RBFOX3: variants seen among roughly 807,000 people sequenced by gnomAD.
The protein encoded by RBFOX3 is RNA binding fox-1 homolog 3.
Under a neutral mutation model 48.7 loss-of-function variants are expected in RBFOX3, and 17 were observed. The observed-to-expected ratio is 0.35, with a 90% CI of 0.24 to 0.52. The LOEUF (loss-of-function observed/expected upper bound fraction) is 0.52, where lower values mean the gene tolerates loss of function less well. Ranked by LOEUF, RBFOX3 falls within the 20% of genes least tolerant of loss-of-function variation. RBFOX3 has a pLI of 0.94. For missense variants in RBFOX3, 382 were observed against 497.5 expected (o/e 0.77, Z 2.21); for synonymous variants, 212 against 209.5 (o/e 1.01, Z -0.10).
chr17:79,145,092 C>T (rs997257112), intron 4 of RBFOX3, among the ~76,000 whole-genome samples: 1 of 152,126 alleles, frequency 6.6e-6, no homozygotes, highest in Admixed American at 6.5e-5. Context: ...TTAGTCGCTG[C>T]CTGTCCTAGG....
At chr17:79,306,129 G>A (rs1036618380) in intron 3 of RBFOX3, among the ~76,000 whole-genome samples, 11 of 152,346 alleles carry the variant, frequency 7.2e-5, no homozygotes, top group Middle Eastern at 6.8e-3. Flanking sequence ...ATCCTGACCC[G>A]AGGCCTGCAG....
At chr17:79,294,017 C>T (rs2073901521) in intron 3 of RBFOX3, among the ~76,000 whole-genome samples, 1 of 152,204 alleles carries the variant, frequency 6.6e-6, no homozygotes, top group Non-Finnish European at 1.5e-5. Context: ...CACAGAGTCA[C>T]CTGTCCGACT....
chr17:79,149,335 G>T (rs1219106736), intron 4 of RBFOX3, among the ~76,000 whole-genome samples: 2 of 152,188 alleles, frequency 1.3e-5, no homozygotes, highest in South Asian at 2.1e-4. Flanking sequence ...GATGCAGGCA[G>T]TGGGGGGAGT....
rs1491201396 is a variant in RBFOX3 at position 79,420,123 on chromosome 17, T to TCA, written c.-175+62330_-175+62331insTG. On this transcript the variant is annotated intron_variant, in intron 2 of 14. Coordinates refer to ENST00000693108, the MANE Select transcript of RBFOX3 (RefSeq NM_001350451.2). ...GCCTGGGCAACAGAGCAAGACTCCG[T>TCA]CTCATACACACACACACACACACAC... Among the ~76,000 whole-genome samples, 15 of 62,100 alleles carry TCA rather than the reference T, an allele frequency of 2.4e-4. No individual in the cohort carries two copies. In the South Asian group the frequency reaches 6.8e-3, roughly 28 times the overall value. 40.7% of individuals were successfully genotyped at this position (62,100 alleles called of 152,430 possible).
At chr17:79,250,134 C>T (rs8070383) in intron 3 of RBFOX3, among the ~76,000 whole-genome samples, 7,184 of 152,256 alleles carry the variant, frequency 0.047, 185 homozygotes, top group East Asian at 0.12. Flanking sequence ...AATTGCCTTT[C>T]GGGATTAATA....
At chr17:79,171,145 G>A (rs1417654487) in intron 4 of RBFOX3, among the ~76,000 whole-genome samples, 1 of 152,236 alleles carries the variant, frequency 6.6e-6, no homozygotes, top group African/African-American at 2.4e-5. Context: ...GGATTTTGAA[G>A]ATTCAGCATG....
chr17:79,610,572 G>C (rs2093950406), intron 1 of RBFOX3, among the ~76,000 whole-genome samples: 1 of 151,932 alleles, frequency 6.6e-6, no homozygotes, highest in Non-Finnish European at 1.5e-5. Flanking sequence ...CGCCCCTCTG[G>C]CCCACGGCCG....
Position 79,576,663 on chromosome 17 carries a change from T to G in RBFOX3, c.-320+34163A>C, listed in dbSNP as rs1265117077. On this transcript the variant is annotated intron_variant, in intron 1 of 14. Transcript: ENST00000693108. ...GGAGGGGTGGGAGATGATGGAGAAG[T>G]TGGAGATGATGGAGAAGGCGGAGAT... 4.2e-5 allele frequency among the ~76,000 whole-genome samples: 6 copies of G among 144,352 alleles called. No homozygotes were observed. In the East Asian group the frequency reaches 1.3e-3, roughly 30 times the overall value. 94.7% of individuals were successfully genotyped at this position (144,352 alleles called of 152,430 possible).
chr17:79,437,928 G>T (rs1039030000), intron 2 of RBFOX3, among the ~76,000 whole-genome samples: 1 of 147,722 alleles, frequency 6.8e-6, no homozygotes, highest in Admixed American at 6.7e-5. Flanking sequence ...ACATGCACAC[G>T]CATTCACACA....
chr17:79,170,583 G>A (rs1380998609), intron 4 of RBFOX3, among the ~76,000 whole-genome samples: 2 of 152,026 alleles, frequency 1.3e-5, no homozygotes, highest in African/African-American at 4.8e-5. Context: ...ACCCCTCCGT[G>A]GTGTGTCCGT....
chr17:79,413,065 C>T (rs1260212792), intron 2 of RBFOX3, among the ~76,000 whole-genome samples: 1 of 152,154 alleles, frequency 6.6e-6, no homozygotes, highest in Non-Finnish European at 1.5e-5. Context: ...GGCATTTTCC[C>T]AAAAGGTTCT....
At chr17:79,409,656 T>A (rs549575828) in intron 2 of RBFOX3, among the ~76,000 whole-genome samples, 1 of 152,216 alleles carries the variant, frequency 6.6e-6, no homozygotes, top group Non-Finnish European at 1.5e-5. Context: ...AGAAGTGAAG[T>A]GCAGGGCCCT....
chr17:79,608,917 C>T (rs1410732587), intron 1 of RBFOX3, among the ~76,000 whole-genome samples: 1 of 151,986 alleles, frequency 6.6e-6, no homozygotes, highest in Non-Finnish European at 1.5e-5. Flanking sequence ...AAGAAGGCTC[C>T]CCTCCTCCGC....
intron 9 of RBFOX3, chr17:79,099,778 G>A (rs2076078514): frequency 6.6e-6 from 1 of 152,236 alleles, no homozygotes; most frequent in African/African-American, 2.4e-5. Flanking sequence ...GGCAGAGACA[G>A]CCTGAGACTG....
At chr17:79,416,079 G>A (rs1411499210) in intron 2 of RBFOX3, among the ~76,000 whole-genome samples, 2 of 152,194 alleles carry the variant, frequency 1.3e-5, no homozygotes, top group Non-Finnish European at 2.9e-5. Context: ...GGGTCCATGT[G>A]GTGCAACGGA....
chr17:79,341,991 C>G (rs1346997025), intron 2 of RBFOX3, among the ~76,000 whole-genome samples: 1 of 152,250 alleles, frequency 6.6e-6, no homozygotes, highest in African/African-American at 2.4e-5. Flanking sequence ...AGAGGGTGTC[C>G]TCCATGGCTG....
At chr17:79,277,063 T>G (rs1328520803) in intron 3 of RBFOX3, among the ~76,000 whole-genome samples, 2 of 152,216 alleles carry the variant, frequency 1.3e-5, no homozygotes, top group Non-Finnish European at 1.5e-5. Flanking sequence ...AGCTCCACTT[T>G]TGCCTGGAAG....
At chr17:79,658,619 G>A in the RBFOX3 span, among the ~76,000 whole-genome samples, 4 of 151,958 alleles carry the variant, frequency 2.6e-5, no homozygotes, top group Admixed American at 2.0e-4. Flanking sequence ...TGAAGCTGTC[G>A]CTTGTGCAGA....
At chr17:79,257,413 G>C (rs1373178563) in intron 3 of RBFOX3, among the ~76,000 whole-genome samples, 1 of 152,230 alleles carries the variant, frequency 6.6e-6, no homozygotes, top group Non-Finnish European at 1.5e-5. Context: ...GCTCTGACTA[G>C]CAGGTGCCCT....
Sources: gnomAD v4.1 joint callset for allele counts (sites outside exome capture counted in the v4.1 genomes callset) on GRCh38, gnomAD v4.1.1 for gene constraint, MANE v1.5 for transcripts, NCBI Gene and HGNC (gene_info 2026-07-23, HGNC 2026-07-21) for gene names.